The following MYO5A variants were observed in gnomAD, a reference collection of about 807,000 sequenced individuals.
The protein encoded by MYO5A is unconventional myosin-Va.
MYO5A carries 98 observed loss-of-function variants against 249.7 expected under a neutral mutation model. That is an observed-to-expected ratio of 0.39 (90% CI 0.33 to 0.46). The LOEUF is 0.46. Ranked by LOEUF, MYO5A falls within the 20% of genes least tolerant of loss-of-function variation. MYO5A has a pLI of 0.98. For missense variants in MYO5A, 1,696 were observed against 2,308.8 expected (o/e 0.73, Z 5.44); for synonymous variants, 778 against 810.6 (o/e 0.96, Z 0.68).
intron 15 of MYO5A, 92 bp from the exon 16 acceptor site, chr15:52,383,280 A>C: frequency 1.8e-6 from 2 of 1,082,164 alleles, no homozygotes; most frequent in Non-Finnish European, 2.8e-6. Context: ...TATGACACTA[A>C]TGGAGAAAAC....
rs1322129761 is a variant in MYO5A at position 52,353,993 on chromosome 15, G to A, written c.3445C>T (p.Pro1149Ser). ...RTEEPSEKKVPLDMSLFLKLQ... is the reference protein window; with the variant it reads ...RTEEPSEKKVSLDMSLFLKLQ... Reference sequence around the variant, plus strand: ...TTAAGGAACAATGACATGTCCAGAGGTACCTTCTTCTCACTTGGTTCCTAA... The same window carrying A: ...TTAAGGAACAATGACATGTCCAGAGATACCTTCTTCTCACTTGGTTCCTAA... Residue 1149 changes from proline (P) to serine (S), a missense_variant, in exon 26 of 42, where the codon CCT becomes TCT. Around this residue, in one of 5 missense-constraint regions of MYO5A, gnomAD observed 625 missense variants for 908.1 expected, o/e 0.69. Coordinates refer to ENST00000399233, the MANE Select transcript of MYO5A (RefSeq NM_001382347.1). The A allele has an allele frequency of 6.8e-6, 11 of 1,614,086 alleles. No homozygotes were observed. The highest frequency in any genetic ancestry group is 3.3e-5 in the Admixed American group (2 of 60,004).
At chr15:52,489,726 C>T (rs1237146676) in intron 1 of MYO5A, among the ~76,000 whole-genome samples, 2 of 152,306 alleles carry the variant, frequency 1.3e-5, no homozygotes, top group Admixed American at 6.5e-5. Context: ...CATGGTGGCT[C>T]ACACCTGTAA....
chr15:52,385,671 C>G (rs1301274497), intron 14 of MYO5A, among the ~76,000 whole-genome samples: 3 of 151,982 alleles, frequency 2.0e-5, no homozygotes, highest in African/African-American at 7.3e-5. Flanking sequence ...CACTGTATTA[C>G]TACAAAAATA....
chr15:52,375,443 C>T lies in MYO5A; in HGVS notation c.2438G>A (p.Arg813His), dbSNP rs561485938. Residue 813 changes from arginine (R) to histidine (H), a missense_variant, in exon 20 of 42, where the codon CGC becomes CAC. Arg to His is a conservative substitution (Grantham distance 29, BLOSUM62 0). Transcript: ENST00000399233. Reference protein sequence around the residue: ...YQARCYAKFLRRTKAATIIQK... With the variant: ...YQARCYAKFLHRTKAATIIQK... ...AATGATGGTTGCTGCCTTGGTTCTG[C>T]GCAGAAACTTAGCATAGCTGGCCAA... 2.5e-5 allele frequency: 41 copies of T among 1,613,990 alleles called. No homozygotes were observed. The highest frequency in any genetic ancestry group is 3.3e-4 in the Middle Eastern group (2 of 6,062).
At chr15:52,336,369 T>C in intron 34 of MYO5A, 94 bp downstream of exon 34, 1 of 793,164 alleles carries the variant, frequency 1.3e-6, no homozygotes, top group Non-Finnish European at 2.1e-6. Flanking sequence ...AATATTTGCA[T>C]GCAAACCTCT....
chr15:52,413,088 A>AGGAG, intron 5 of MYO5A, among the ~76,000 whole-genome samples: 1 of 149,536 alleles, frequency 6.7e-6, no homozygotes, highest in African/African-American at 2.5e-5. Flanking sequence ...TGGAGGCTGC[A>AGGAG]GTGAGCTGAG....
Position 52,528,795 on chromosome 15 carries a change from C to T in MYO5A, c.12G>A (p.Ser4=). MAA[S]ELYTKFARVW... ...GGTGCCTTACCTTTGTGTAGAGCTC[C>T]GACGCAGCCATGGCGGGCCCCGCGC... The change falls in exon 1 of 42, where the codon TCG becomes TCA. Residue 4 remains serine (S), a synonymous_variant. Coordinates refer to ENST00000399233, the MANE Select transcript of MYO5A (RefSeq NM_001382347.1). 1.3e-6 allele frequency: 2 copies of T among 1,496,178 alleles called. No individual in the cohort carries two copies. The highest frequency in any genetic ancestry group is 8.9e-7 in the Non-Finnish European group (1 of 1,129,292). 92.7% of individuals were successfully genotyped at this position (1,496,178 alleles called of 1,614,324 possible).
chr15:52,346,082 C>T (rs2039610963), intron 30 of MYO5A, among the ~76,000 whole-genome samples: 2 of 152,216 alleles, frequency 1.3e-5, no homozygotes, highest in Non-Finnish European at 2.9e-5. Flanking sequence ...AGGTAGTTTT[C>T]TTCTCAAGGC....
intron 9 of MYO5A, among the ~76,000 whole-genome samples, chr15:52,399,983 T>C (rs2042676808): frequency 6.6e-6 from 1 of 152,244 alleles, no homozygotes; most frequent in Admixed American, 6.5e-5. Context: ...GGGCATGATT[T>C]CATTCTTTTT....
At chr15:52,389,049 CTTAT>C (rs970676270) in intron 13 of MYO5A, among the ~76,000 whole-genome samples, 185 bp downstream of exon 13, 67 of 151,752 alleles carry the variant, frequency 4.4e-4, no homozygotes, top group African/African-American at 1.6e-3. Context: ...TAGAACCATA[CTTAT>C]TTCACAAATA....
At chr15:52,347,319 A>T (rs928228555) in intron 29 of MYO5A, among the ~76,000 whole-genome samples, 1 of 152,176 alleles carries the variant, frequency 6.6e-6, no homozygotes, top group African/African-American at 2.4e-5. Context: ...TATTCAGTAC[A>T]TGTATCCCAA....
At chr15:52,485,887 T>C (rs1281508418) in intron 1 of MYO5A, among the ~76,000 whole-genome samples, 2 of 152,208 alleles carry the variant, frequency 1.3e-5, no homozygotes, top group African/African-American at 2.4e-5. Context: ...GAAAACACTA[T>C]AGTAAATCCT....
intron 1 of MYO5A, among the ~76,000 whole-genome samples, chr15:52,472,942 GT>G (rs892613965): frequency 2.8e-4 from 42 of 152,294 alleles, no homozygotes; most frequent in African/African-American, 9.6e-4. Context: ...GGTATTTCTA[GT>G]TCTAGATCCT....
At chr15:52,329,810 C>T (rs995416265) in intron 35 of MYO5A, among the ~76,000 whole-genome samples, 12 of 151,986 alleles carry the variant, frequency 7.9e-5, no homozygotes, top group African/African-American at 2.9e-4. Flanking sequence ...ATAATCACAG[C>T]TCACTGTAGT....
intron 32 of MYO5A, among the ~76,000 whole-genome samples, chr15:52,338,352 C>T (rs903795194): frequency 1.3e-5 from 2 of 151,908 alleles, no homozygotes; most frequent in Non-Finnish European, 2.9e-5. Context: ...GTGCATCTTC[C>T]TTCGCTGAAA....
chr15:52,390,351 T>C (rs1032681073), intron 12 of MYO5A, among the ~76,000 whole-genome samples: 2 of 152,114 alleles, frequency 1.3e-5, no homozygotes, highest in Admixed American at 1.3e-4. Context: ...CGCATGCCTA[T>C]ACCAAAATCT....
chr15:52,471,592 A>AACAC (rs111751236), intron 1 of MYO5A, among the ~76,000 whole-genome samples: 1,968 of 144,826 alleles, frequency 0.014, 42 homozygotes, highest in Admixed American at 0.044. Context: ...CTGTCTCTAA[A>AACAC]ACACACACAC....
chr15:52,348,756 T>A, intron 29 of MYO5A, 62 bp downstream of exon 29: 1 of 1,365,710 alleles, frequency 7.3e-7, no homozygotes, highest in Non-Finnish European at 1.0e-6. Context: ...TGGGGGATAC[T>A]TGTAAACTAA....
chr15:52,449,255 C>T (rs1295360114), intron 1 of MYO5A, among the ~76,000 whole-genome samples: 1 of 152,060 alleles, frequency 6.6e-6, no homozygotes, highest in African/African-American at 2.4e-5. Flanking sequence ...AGGCGTGAGC[C>T]ACTGCGCCCG....
Sources: gnomAD v4.1 joint callset for allele counts (sites outside exome capture counted in the v4.1 genomes callset) on GRCh38, gnomAD v4.1.1 for gene constraint, gnomAD v4.1.1 regional missense constraint, MANE v1.5 for transcripts, NCBI Gene and HGNC (gene_info 2026-07-23, HGNC 2026-07-21) for gene names.